The following EXD1 variants were observed in gnomAD, a reference collection of about 807,000 sequenced individuals.
EXD1 encodes exonuclease 3'-5' domain containing 1, also known as piRNA biogenesis protein EXD1.
In EXD1, 63 loss-of-function variants were observed where a neutral mutation model predicts 49.1. That is an observed-to-expected ratio of 1.28 (90% CI 1.05 to 1.58). The LOEUF is 1.58. EXD1 is among the 40% of genes most tolerant of loss of function. EXD1 has a pLI of 0.00. For synonymous variants in EXD1, 234 were observed against 239.2 expected (o/e 0.98, Z 0.20); for missense variants, 748 against 666.0 (o/e 1.12, Z -1.36).
intron 3 of EXD1, among the ~76,000 whole-genome samples, chr15:41,218,746 A>G (rs2047043214): frequency 1.3e-5 from 2 of 152,308 alleles, no homozygotes; most frequent in South Asian, 2.1e-4. Context: ...TATCCCTGCC[A>G]TTATAAAAGA....
chr15:41,207,703 A>G (rs930733591), intron 7 of EXD1, among the ~76,000 whole-genome samples: 3 of 152,178 alleles, frequency 2.0e-5, no homozygotes, highest in Non-Finnish European at 2.9e-5. Context: ...CTGGCTGGGG[A>G]AAACCTGTCC....
At position 41,196,105 on chromosome 15, in the gene EXD1, T is replaced by G. The variant is rs2046609284; in HGVS notation, c.535-68A>C. ...GAACTGAGGAAGGGAAATTTGAGGA[T>G]GAAGAGTAAAAGACGTGATAAAATA... On this transcript the variant is annotated intron_variant, in intron 7 of 11. Transcript: ENST00000458580. The G allele has an allele frequency of 3.7e-5, 43 of 1,174,110 alleles. No individual in the cohort carries two copies. In the South Asian group the frequency reaches 6.0e-4, roughly 16 times the overall value. 72.7% of individuals were successfully genotyped at this position (1,174,110 alleles called of 1,614,324 possible). A position where few individuals can be genotyped will look rare whatever the true frequency, so the allele number is the denominator to read the frequency against.
chr15:41,199,757 T>TATATAATATATA (rs770690755), intron 7 of EXD1, among the ~76,000 whole-genome samples: 1 of 87,246 alleles, frequency 1.1e-5, no homozygotes, highest in Non-Finnish European at 2.2e-5. Context: ...TTATATATGA[T>TATATAATATATA]ACATATATGA....
At chr15:41,228,981 AAAGT>A (rs1482777816) in intron 1 of EXD1, among the ~76,000 whole-genome samples, 3 of 152,280 alleles carry the variant, frequency 2.0e-5, no homozygotes, top group Admixed American at 1.3e-4. Flanking sequence ...AGGAAGGAAA[AAAGT>A]AAGGTCAGCA....
intron 7 of EXD1, among the ~76,000 whole-genome samples, chr15:41,199,157 C>G (rs979423546): frequency 1.3e-5 from 2 of 152,038 alleles, no homozygotes; most frequent in African/African-American, 4.8e-5. Flanking sequence ...CGGGATTTTA[C>G]CATGTTGACC....
intron 6 of EXD1, among the ~76,000 whole-genome samples, chr15:41,212,816 A>C (rs1595450561): frequency 6.6e-6 from 1 of 152,202 alleles, no homozygotes; most frequent in Admixed American, 6.6e-5. Flanking sequence ...AGGCAGGTGG[A>C]TTGCTTGAGC....
intron 2 of EXD1, among the ~76,000 whole-genome samples, chr15:41,220,601 A>G (rs2047073356): frequency 6.6e-6 from 1 of 152,006 alleles, no homozygotes; most frequent in South Asian, 2.1e-4. Flanking sequence ...GCTTCATGTT[A>G]TGCTACACAC....
rs2047229527 is a variant in EXD1, at chr15:41,230,707, G to A, written c.-282C>T. ...CTGGAGAAAGGTCCGCGACGCCGGG[G>A]ACACACGCCGCAGAGGCGACGCCCG... is the stretch of plus-strand genomic sequence containing the variant. On this transcript the variant is annotated 5_prime_UTR_variant, in exon 1 of 12. Coordinates refer to ENST00000458580, the MANE Select transcript of EXD1 (RefSeq NM_001286441.2). The A allele has an allele frequency of 1.4e-6, 1 of 715,464 alleles. No homozygotes were observed. Among genetic ancestry groups the A allele is most frequent in the South Asian group, 1.9e-5 (1 of 51,830 alleles). The allele number at this position is 715,464 out of a possible 1,614,324, so 44.3% of individuals were successfully genotyped here. A position where few individuals can be genotyped will look rare whatever the true frequency, so the allele number is the denominator to read the frequency against.
intron 2 of EXD1, among the ~76,000 whole-genome samples, chr15:41,220,339 C>T (rs74619753): frequency 0.16 from 24,739 of 151,558 alleles, 3,680 homozygotes; most frequent in African/African-American, 0.4. Flanking sequence ...AGCGCAATCT[C>T]GGCTCACTGC....
intron 5 of EXD1, 126 bp from the exon 6 acceptor site, chr15:41,215,959 C>A: frequency 3.7e-6 from 3 of 821,778 alleles, no homozygotes; most frequent in Non-Finnish European, 6.2e-6. Flanking sequence ...AATTGCAAAA[C>A]CACCCTCCCT....
intron 10 of EXD1, chr15:41,190,415 G>C: frequency 5.4e-6 from 2 of 370,464 alleles, no homozygotes; most frequent in Non-Finnish European, 1.0e-5. Context: ...GGAGCTTGCA[G>C]GGTTGCAGTA....
intron 7 of EXD1, among the ~76,000 whole-genome samples, chr15:41,203,762 T>TAA (rs753646568): frequency 2.7e-4 from 40 of 150,592 alleles, no homozygotes; most frequent in South Asian, 4.2e-4. Flanking sequence ...ACCAAAAATA[T>TAA]AAACATTAGC....
intron 1 of EXD1, among the ~76,000 whole-genome samples, chr15:41,227,184 ATAGTGG>A (rs1357724763): frequency 1.3e-5 from 2 of 152,188 alleles, no homozygotes; most frequent in African/African-American, 4.8e-5. Context: ...AAGTAGGACA[ATAGTGG>A]TACATTGGGA....
intron 2 of EXD1, among the ~76,000 whole-genome samples, chr15:41,221,869 A>G (rs1332587444): frequency 6.6e-6 from 1 of 151,902 alleles, no homozygotes; most frequent in Non-Finnish European, 1.5e-5. Context: ...TGAGAGGCTG[A>G]GGCGGGTGGA....
intron 1 of EXD1, among the ~76,000 whole-genome samples, chr15:41,229,286 T>A (rs1030879516): frequency 6.6e-6 from 1 of 152,168 alleles, no homozygotes; most frequent in African/African-American, 2.4e-5. Flanking sequence ...GAGACCCGCC[T>A]AGACAATATG....
intron 7 of EXD1, among the ~76,000 whole-genome samples, chr15:41,208,518 C>T (rs763788930): frequency 2.0e-5 from 3 of 151,664 alleles, no homozygotes; most frequent in Non-Finnish European, 2.9e-5. Flanking sequence ...TTTGGGAGGC[C>T]GAGGTGGGTG....
At chr15:41,217,247 T>C in intron 3 of EXD1, 93 bp from the exon 4 acceptor site, 1 of 1,006,706 alleles carries the variant, frequency 9.9e-7, no homozygotes, top group Non-Finnish European at 1.5e-6. Context: ...AACCATGTAC[T>C]GCAAACAATA....
chr15:41,203,440 A>T (rs536482581), intron 7 of EXD1, among the ~76,000 whole-genome samples: 4 of 152,284 alleles, frequency 2.6e-5, no homozygotes, highest in African/African-American at 9.6e-5. Flanking sequence ...AGACTCAGAA[A>T]ATAATACCCC....
chr15:41,190,468 AGACTCC>A, intron 10 of EXD1: 1 of 277,676 alleles, frequency 3.6e-6, no homozygotes, highest in Non-Finnish European at 7.1e-6. Flanking sequence ...TGACAGAGCG[AGACTCC>A]GTCTCAAAAA....
Sources: allele counts gnomAD v4.1 joint callset (sites outside exome capture counted in the v4.1 genomes callset), GRCh38; gene constraint gnomAD v4.1.1; transcripts MANE v1.5; gene names NCBI Gene and HGNC (gene_info 2026-07-23, HGNC 2026-07-21).